Variants in DCC observed in about 807,000 individuals in gnomAD.
DCC encodes the protein netrin receptor DCC.
In DCC, 58 loss-of-function variants were observed where a neutral mutation model predicts 172.5. The ratio of observed to expected loss-of-function variants is 0.34; its 90% confidence interval spans 0.27 to 0.42. The LOEUF (loss-of-function observed/expected upper bound fraction) is 0.42. DCC is among the 10% of genes least tolerant of loss of function. DCC has a pLI of 1.00. For synonymous variants in DCC, 709 were observed against 644.5 expected, an observed-to-expected ratio of 1.10 and a Z score of -1.52; for missense variants, 1,740 against 1,791.0, an observed-to-expected ratio of 0.97 and a Z score of 0.51.
chr18:53,512,909 T>A (rs1482324216), intron 27 of DCC, among the ~76,000 whole-genome samples: 1 of 152,166 alleles, frequency 6.6e-6, no homozygotes, highest in Admixed American at 6.5e-5. Context: ...CCAGGAGAAC[T>A]TCCCCAATCT....
rs760190685 is a variant in DCC, at chr18:53,157,419, G to A, written c.1325G>A (p.Ser442Asn). 1.2e-6 allele frequency: 2 copies of A among 1,614,146 alleles called. No homozygotes were observed. Among genetic ancestry groups the A allele is most frequent in the Non-Finnish European group, 1.7e-6 (2 of 1,180,016 alleles). The change falls in exon 8 of 29, where the codon AGC becomes AAC. Residue 442 changes from serine (S) to asparagine (N), a missense_variant. Physicochemically the swap from Ser to Asn is conservative, Grantham distance 46 (BLOSUM62 1). This residue lies in a region of DCC where 1,732 missense variants were observed against 1,767.4 expected (regional missense o/e 0.98). Transcript: ENST00000442544. ...PRDVVPVLVS[S>N]RFVRLSWRPP... is the part of the protein sequence containing the mutation. ...GATGTGGTCCCTGTCTTGGTTTCCAGCCGATTTGTCCGTCTCAGCTGGCGC... is the reference window on the plus strand; with the variant it reads ...GATGTGGTCCCTGTCTTGGTTTCCAACCGATTTGTCCGTCTCAGCTGGCGC...
chr18:52,545,291 A>T (rs2032579071), intron 1 of DCC, among the ~76,000 whole-genome samples: 2 of 152,184 alleles, frequency 1.3e-5, no homozygotes, highest in African/African-American at 2.4e-5. Context: ...TGGTGGAGGG[A>T]TGCCTTCTTG....
intron 2 of DCC, among the ~76,000 whole-genome samples, chr18:52,857,216 G>A (rs1221381825): frequency 6.6e-6 from 1 of 152,220 alleles, no homozygotes; most frequent in Admixed American, 6.5e-5. Flanking sequence ...GTGAATCTGA[G>A]AGGAGAGTGC....
chr18:53,198,541 G>C (rs2055485133), intron 9 of DCC, among the ~76,000 whole-genome samples: 1 of 151,638 alleles, frequency 6.6e-6, no homozygotes, highest in Non-Finnish European at 1.5e-5. Flanking sequence ...TAAAGATTCG[G>C]CTAACTTTTA....
chr18:52,848,318 C>A (rs2145334477), intron 2 of DCC, among the ~76,000 whole-genome samples: 1 of 152,070 alleles, frequency 6.6e-6, no homozygotes, highest in Non-Finnish European at 1.5e-5. Context: ...AACTTCTGAC[C>A]CCAGGTGATT....
At chr18:53,515,755 C>T (rs1398011723) in intron 27 of DCC, among the ~76,000 whole-genome samples, 1 of 151,586 alleles carries the variant, frequency 6.6e-6, no homozygotes, top group East Asian at 1.9e-4. Context: ...ATGTGAAGGA[C>T]CTCTTCAAGG....
chr18:52,718,814 CG>C (rs1406098239), intron 1 of DCC, among the ~76,000 whole-genome samples: 1 of 152,096 alleles, frequency 6.6e-6, no homozygotes, highest in Non-Finnish European at 1.5e-5. Flanking sequence ...GTTTCTTCTT[CG>C]GTAACTTTGT....
intron 11 of DCC, among the ~76,000 whole-genome samples, chr18:53,214,259 A>G (rs1009284516): frequency 6.6e-6 from 1 of 152,124 alleles, no homozygotes; most frequent in Non-Finnish European, 1.5e-5. Flanking sequence ...CACTAAGATC[A>G]GAAGTTCAAA....
chr18:52,956,622 T>C (rs1400558063), intron 5 of DCC, among the ~76,000 whole-genome samples: 1 of 152,104 alleles, frequency 6.6e-6, no homozygotes, highest in Admixed American at 6.5e-5. Context: ...AGTTTGTTGA[T>C]AGCCACAAAG....
chr18:53,228,262 A>T (rs1050959580), intron 12 of DCC, among the ~76,000 whole-genome samples: 19 of 145,046 alleles, frequency 1.3e-4, no homozygotes, highest in South Asian at 8.5e-4. Flanking sequence ...GTAAAAAAAT[A>T]AAAATAAAAA....
At chr18:53,306,856 A>G (rs1208288066) in intron 13 of DCC, among the ~76,000 whole-genome samples, 3 of 152,188 alleles carry the variant, frequency 2.0e-5, no homozygotes. Flanking sequence ...GATGAAGTTG[A>G]GCGACTCTGA....
intron 5 of DCC, among the ~76,000 whole-genome samples, chr18:52,955,103 T>G (rs944142251): frequency 2.6e-5 from 4 of 152,182 alleles, no homozygotes; most frequent in African/African-American, 4.8e-5. Context: ...ACCCTTGGTG[T>G]TGTACATTTG....
chr18:52,442,381 T>C (rs1207504164), intron 1 of DCC, among the ~76,000 whole-genome samples: 1 of 152,224 alleles, frequency 6.6e-6, no homozygotes, highest in African/African-American at 2.4e-5. Flanking sequence ...ATGAAGATGA[T>C]AACTTCTAAT....
intron 2 of DCC, among the ~76,000 whole-genome samples, chr18:52,786,792 C>G (rs1447729301): frequency 6.6e-6 from 1 of 151,496 alleles, no homozygotes; most frequent in Non-Finnish European, 1.5e-5. Flanking sequence ...ACTGTGTAGA[C>G]AAGGTATGAG....
At chr18:52,501,271 G>A (rs16955089) in intron 1 of DCC, among the ~76,000 whole-genome samples, 2 of 152,036 alleles carry the variant, frequency 1.3e-5, no homozygotes, top group Admixed American at 1.3e-4. Context: ...GATGGAGCAG[G>A]TATCTGGCAC....
intron 12 of DCC, among the ~76,000 whole-genome samples, chr18:53,246,745 G>A (rs984206925): frequency 2.0e-5 from 3 of 151,994 alleles, no homozygotes; most frequent in African/African-American, 7.2e-5. Context: ...AAGTTGCATG[G>A]GAATGGAGAG....
chr18:52,443,217 C>G (rs901713243), intron 1 of DCC, among the ~76,000 whole-genome samples: 1 of 152,022 alleles, frequency 6.6e-6, no homozygotes, highest in Non-Finnish European at 1.5e-5. Context: ...TCAAACATCC[C>G]TGTAATTAGA....
At chr18:52,885,202 G>T (rs938351020) in intron 2 of DCC, among the ~76,000 whole-genome samples, 1 of 152,094 alleles carries the variant, frequency 6.6e-6, no homozygotes, top group Non-Finnish European at 1.5e-5. Flanking sequence ...TCTATGATCA[G>T]CAAGTGGGCA....
chr18:53,086,321 TTCCTTTCTTCTTC>T (rs2042898792), intron 7 of DCC, among the ~76,000 whole-genome samples: 1 of 39,338 alleles, frequency 2.5e-5, no homozygotes, highest in Non-Finnish European at 4.6e-5. Context: ...CTTCTTCTTC[TTCCTTTCTTCTTC>T]TTCTTCTTCT....
Sources: gnomAD v4.1 joint callset for allele counts (sites outside exome capture counted in the v4.1 genomes callset) on GRCh38, gnomAD v4.1.1 for gene constraint, gnomAD v4.1.1 regional missense constraint, MANE v1.5 for transcripts, NCBI Gene and HGNC (gene_info 2026-07-23, HGNC 2026-07-21) for gene names.